Variants in CTNNA2 observed in about 807,000 individuals in gnomAD.
CTNNA2 encodes the protein catenin alpha-2.
CTNNA2 carries 42 observed loss-of-function variants against 101.0 expected under a neutral mutation model. The observed-to-expected ratio is 0.42, with a 90% CI of 0.32 to 0.54. The LOEUF is 0.54. Among genes scored for constraint, CTNNA2 ranks in the 20% least tolerant of loss-of-function variants. The pLI is 0.14. For missense variants in CTNNA2, 871 were observed against 1,223.1 expected (o/e 0.71, Z 4.29); for synonymous variants, 450 against 456.4 (o/e 0.99, Z 0.18).
At chr2:80,217,574 T>A (rs1708343761) in intron 7 of CTNNA2, among the ~76,000 whole-genome samples, 1 of 152,100 alleles carries the variant, frequency 6.6e-6, no homozygotes, top group African/African-American at 2.4e-5. Context: ...TACTCCCAAA[T>A]CCAAACCTGC....
intron 4 of CTNNA2, among the ~76,000 whole-genome samples, chr2:79,497,291 T>C (rs1228276611): frequency 2.6e-5 from 4 of 152,206 alleles, no homozygotes; most frequent in Non-Finnish European, 5.9e-5. Context: ...CTGGTTGCCA[T>C]CTATCATCTT....
intron 2 of CTNNA2, among the ~76,000 whole-genome samples, chr2:79,253,655 G>C (rs1050382646): frequency 2.0e-5 from 3 of 152,162 alleles, no homozygotes; most frequent in Admixed American, 6.5e-5. Flanking sequence ...GGGACAGCAA[G>C]GAAGGAACCA....
chr2:80,167,217 T>G (rs1351605954), intron 7 of CTNNA2, among the ~76,000 whole-genome samples: 1 of 152,196 alleles, frequency 6.6e-6, no homozygotes, highest in Non-Finnish European at 1.5e-5. Context: ...TCACACATTT[T>G]GTTTATATTT....
At chr2:80,051,598 C>T (rs1696881267) in intron 7 of CTNNA2, among the ~76,000 whole-genome samples, 1 of 152,080 alleles carries the variant, frequency 6.6e-6, no homozygotes, top group Admixed American at 6.6e-5. Flanking sequence ...CAGGCTGGAT[C>T]CCAAAATCAA....
intron 7 of CTNNA2, among the ~76,000 whole-genome samples, chr2:80,153,141 A>T (rs1430294224): frequency 6.6e-6 from 1 of 152,156 alleles, no homozygotes; most frequent in Non-Finnish European, 1.5e-5. Context: ...GTTGCCACTG[A>T]TGCTTGTGCC....
chr2:79,946,452 C>A (rs1329602461), intron 7 of CTNNA2, among the ~76,000 whole-genome samples: 1 of 152,104 alleles, frequency 6.6e-6, no homozygotes, highest in Non-Finnish European at 1.5e-5. Context: ...CATTACTTTG[C>A]CCCATGAAGG....
intron 4 of CTNNA2, among the ~76,000 whole-genome samples, chr2:79,502,233 T>A: frequency 6.6e-6 from 1 of 152,190 alleles, no homozygotes; most frequent in Middle Eastern, 3.2e-3. Context: ...TGGGAAAGAT[T>A]CTAAAGATTT....
chr2:80,428,634 G>T (rs1234041290), intron 9 of CTNNA2, among the ~76,000 whole-genome samples: 2 of 152,164 alleles, frequency 1.3e-5, no homozygotes, highest in Non-Finnish European at 1.5e-5. Context: ...GGCTTCAGTT[G>T]TCTGATAGAT....
chr2:79,606,492 C>T (rs1184270508), intron 1 of CTNNA2, among the ~76,000 whole-genome samples: 1 of 151,996 alleles, frequency 6.6e-6, no homozygotes, highest in African/African-American at 2.4e-5. Context: ...ATGGTCTCCA[C>T]CTCCTGACAT....
chr2:80,574,427 T>C, intron 13 of CTNNA2, 113 bp downstream of exon 13: 1 of 1,290,958 alleles, frequency 7.7e-7, no homozygotes, highest in Non-Finnish European at 1.0e-6. Flanking sequence ...CTTGGTAAGC[T>C]GTTTGGCTCC....
intron 2 of CTNNA2, among the ~76,000 whole-genome samples, chr2:79,273,077 A>G (rs1249138298): frequency 2.0e-5 from 3 of 151,704 alleles, no homozygotes; most frequent in African/African-American, 7.3e-5. Context: ...CTTTTTTTTT[A>G]TGGTTTCATG....
intron 2 of CTNNA2, among the ~76,000 whole-genome samples, chr2:79,728,540 G>A (rs898348650): frequency 5.9e-5 from 9 of 152,106 alleles, no homozygotes; most frequent in South Asian, 2.1e-4. Flanking sequence ...GTTCACTCTG[G>A]TGGTAGTTTC....
intron 9 of CTNNA2, among the ~76,000 whole-genome samples, chr2:80,447,128 G>C (rs553526464): frequency 2.6e-5 from 4 of 152,074 alleles, no homozygotes; most frequent in Admixed American, 2.0e-4. Flanking sequence ...ACTGTGCTTG[G>C]TGTCATTTTT....
chr2:79,639,561 T>TCATTAAA (rs1235857066), intron 1 of CTNNA2, among the ~76,000 whole-genome samples: 1 of 152,196 alleles, frequency 6.6e-6, no homozygotes, highest in African/African-American at 2.4e-5. Flanking sequence ...ACATAAGTCC[T>TCATTAAA]CATTAAAAGT....
chr2:79,199,013 T>A (rs574193960), intron 2 of CTNNA2, among the ~76,000 whole-genome samples: 12 of 152,292 alleles, frequency 7.9e-5, no homozygotes, highest in African/African-American at 2.9e-4. Context: ...ACTGACTTTC[T>A]CAGAAATAAA....
At chr2:79,214,033 T>C (rs903764637) in intron 2 of CTNNA2, among the ~76,000 whole-genome samples, 1 of 152,182 alleles carries the variant, frequency 6.6e-6, no homozygotes, top group Non-Finnish European at 1.5e-5. Flanking sequence ...CTGACCGCAC[T>C]AACTATGCCT....
intron 7 of CTNNA2, among the ~76,000 whole-genome samples, chr2:80,322,566 G>T (rs1678810621): frequency 6.6e-6 from 1 of 151,510 alleles, no homozygotes; most frequent in African/African-American, 2.4e-5. Flanking sequence ...GACGGCGCGC[G>T]GCGGCGGAGG....
intron 3 of CTNNA2, among the ~76,000 whole-genome samples, chr2:79,811,407 G>A (rs1574030124): frequency 1.3e-5 from 2 of 152,168 alleles, no homozygotes; most frequent in Non-Finnish European, 2.9e-5. Flanking sequence ...TGAGTTCATT[G>A]TAGATTCTGG....
At chr2:80,511,774 AT>A (rs1407122338) in intron 9 of CTNNA2, among the ~76,000 whole-genome samples, 1 of 152,190 alleles carries the variant, frequency 6.6e-6, no homozygotes, top group African/African-American at 2.4e-5. Flanking sequence ...CTGCTTTTCC[AT>A]ATACCAACTA....
Sources: allele counts gnomAD v4.1 joint callset (sites outside exome capture counted in the v4.1 genomes callset), GRCh38; gene constraint gnomAD v4.1.1; transcripts MANE v1.5; gene names NCBI Gene and HGNC (gene_info 2026-07-23, HGNC 2026-07-21).